DIAPH2: variants seen among roughly 807,000 people sequenced by gnomAD.
DIAPH2 encodes the protein diaphanous related formin 2, also known as protein diaphanous homolog 2.
In DIAPH2, 35 loss-of-function variants were observed where a neutral mutation model predicts 92.7. The observed-to-expected ratio is 0.38, with a 90% CI of 0.29 to 0.50. The LOEUF is 0.50. DIAPH2 is among the 20% of genes least tolerant of loss of function. The pLI, the probability that DIAPH2 is intolerant of heterozygous loss-of-function variation, is 0.94. For synonymous variants in DIAPH2, 301 were observed against 280.4 expected (o/e 1.07, Z -0.73); for missense variants, 701 against 819.5 (o/e 0.86, Z 1.77).
intron 22 of DIAPH2, among the ~76,000 whole-genome samples, chrX:97,172,158 A>AT (rs1306644126): frequency 9.0e-6 from 1 of 111,500 alleles, no homozygotes; most frequent in African/African-American, 3.3e-5. Flanking sequence ...AGTTTGAAAT[A>AT]TTTTTCTAGA....
At chrX:96,937,391 G>C in intron 11 of DIAPH2, 40 bp downstream of exon 11, 1 of 885,969 alleles carries the variant, frequency 1.1e-6, no homozygotes, top group Non-Finnish European at 1.6e-6. Flanking sequence ...TGTTTGCATT[G>C]TGAGAAAGGG....
chrX:97,415,056 A>G (rs991857220), intron 25 of DIAPH2, among the ~76,000 whole-genome samples: 2 of 94,587 alleles, frequency 2.1e-5, no homozygotes, highest in Non-Finnish European at 4.3e-5. Context: ...ATGAACAAAC[A>G]GTTCTCAAAA....
At position 96,802,762 on chromosome X, in the gene DIAPH2, A is replaced by G. The variant is rs190745454; in HGVS notation, c.447+44504A>G. Among the ~76,000 whole-genome samples the G allele has an allele frequency of 5.7e-3, 632 of 111,480 alleles. 4 individuals are homozygous for G. The highest frequency in any genetic ancestry group is 0.02 in the African/African-American group (620 of 30,701). On this transcript the variant is annotated intron_variant, in intron 4 of 26. Coordinates refer to ENST00000324765, the MANE Select transcript of DIAPH2 (RefSeq NM_006729.5). ...TATTGACCCACATGATCACAAGGTG[A>G]AGTCCCGCAATAGGCCATCTGCAAG...
At chrX:97,494,211 C>A (rs919635320) in intron 26 of DIAPH2, among the ~76,000 whole-genome samples, 1 of 104,031 alleles carries the variant, frequency 9.6e-6, no homozygotes, top group African/African-American at 3.5e-5. Context: ...CCCAGCTACT[C>A]GGGATGCTGA....
intron 26 of DIAPH2, among the ~76,000 whole-genome samples, chrX:97,506,886 A>G (rs1450857442): frequency 2.7e-5 from 3 of 111,722 alleles, no homozygotes; most frequent in African/African-American, 9.8e-5. Context: ...CAAACGTTCA[A>G]TGTGCTCTTA....
At chrX:97,191,691 A>C (rs2067655051) in intron 22 of DIAPH2, among the ~76,000 whole-genome samples, 1 of 112,543 alleles carries the variant, frequency 8.9e-6, no homozygotes, top group South Asian at 3.7e-4. Flanking sequence ...TATATGATCC[A>C]AAGTATAACA....
At chrX:96,838,367 T>A (rs2064913182) in intron 4 of DIAPH2, among the ~76,000 whole-genome samples, 1 of 111,894 alleles carries the variant, frequency 8.9e-6, no homozygotes, top group Non-Finnish European at 1.9e-5. Context: ...CAATACACAT[T>A]AGGAAGATTA....
At chrX:96,913,781 T>C in intron 7 of DIAPH2, among the ~76,000 whole-genome samples, 1 of 110,962 alleles carries the variant, frequency 9.0e-6, no homozygotes, top group African/African-American at 3.2e-5. Context: ...ATAATACTAG[T>C]TGTATTATAA....
At chrX:97,335,277 C>T (rs1290192971) in intron 23 of DIAPH2, among the ~76,000 whole-genome samples, 1 of 111,764 alleles carries the variant, frequency 8.9e-6, no homozygotes, top group East Asian at 2.8e-4. Context: ...TCTGCTGTTA[C>T]TTATCGTCTC....
intron 21 of DIAPH2, among the ~76,000 whole-genome samples, chrX:97,127,032 A>G (rs2067098477): frequency 8.9e-6 from 1 of 112,521 alleles, no homozygotes; most frequent in African/African-American, 3.2e-5. Context: ...ATCTTTCTAC[A>G]TATAGTTAAA....
chrX:96,825,563 A>C (rs891281158), intron 4 of DIAPH2, among the ~76,000 whole-genome samples: 5 of 110,751 alleles, frequency 4.5e-5, no homozygotes, highest in African/African-American at 1.6e-4. Flanking sequence ...AGCTGTAATA[A>C]TCTTTTTTTC....
At chrX:96,919,062 G>T (rs1345480676) in intron 9 of DIAPH2, among the ~76,000 whole-genome samples, 1 of 111,891 alleles carries the variant, frequency 8.9e-6, no homozygotes, top group Non-Finnish European at 1.9e-5. Flanking sequence ...CAATTCTTAG[G>T]TTAGCGTTAA....
intron 4 of DIAPH2, among the ~76,000 whole-genome samples, chrX:96,767,691 A>G (rs765300878): frequency 3.6e-5 from 4 of 111,547 alleles, no homozygotes; most frequent in Non-Finnish European, 7.5e-5. Context: ...AAAGGGAAAA[A>G]TGGGATTTAT....
intron 25 of DIAPH2, among the ~76,000 whole-genome samples, chrX:97,394,131 T>C (rs776499456): frequency 8.9e-6 from 1 of 112,072 alleles, no homozygotes; most frequent in South Asian, 3.7e-4. Context: ...TTTCTTACTG[T>C]CATACCCCAG....
At chrX:96,763,214 T>C (rs1241297705) in intron 4 of DIAPH2, 19 of 610,217 alleles carry the variant, frequency 3.1e-5, no homozygotes, top group Non-Finnish European at 3.8e-5. Context: ...TTTGGTTCTT[T>C]TGGTATATAT....
intron 17 of DIAPH2, among the ~76,000 whole-genome samples, chrX:96,970,350 G>GTTGT (rs147570185): frequency 0.48 from 51,193 of 105,822 alleles, 9,883 homozygotes; most frequent in South Asian, 0.57. Context: ...TCTGGGTGTT[G>GTTGT]TTGTTTGTTT....
intron 26 of DIAPH2, among the ~76,000 whole-genome samples, chrX:97,546,824 AG>A (rs1292945840): frequency 3.7e-5 from 4 of 108,597 alleles, no homozygotes; most frequent in Admixed American, 2.0e-4. Context: ...CGACAGAGTG[AG>A]GCTCTGTCTC....
intron 22 of DIAPH2, among the ~76,000 whole-genome samples, chrX:97,238,873 G>A (rs1055389284): frequency 9.0e-6 from 1 of 111,268 alleles, no homozygotes; most frequent in Admixed American, 9.6e-5. Flanking sequence ...TCACTTTAAT[G>A]GTATGCCGTT....
chrX:96,851,249 A>T lies in DIAPH2; in HGVS notation c.448-30330A>T, dbSNP rs995231474. ...CTGGAGTAGCTGGGACTACAGGCGC[A>T]TGCCACCATGCCAGGCTAATTTTTT... On this transcript the variant is annotated intron_variant, in intron 4 of 26. Transcript: ENST00000324765. Among the ~76,000 whole-genome samples the T allele has an allele frequency of 2.7e-5, 3 of 111,523 alleles. No individual in the cohort carries two copies. The East Asian group carries it at 8.5e-4, about 32-fold the overall frequency.
Sources: allele counts gnomAD v4.1 joint callset (sites outside exome capture counted in the v4.1 genomes callset), GRCh38; gene constraint gnomAD v4.1.1; transcripts MANE v1.5; gene names NCBI Gene and HGNC (gene_info 2026-07-23, HGNC 2026-07-21).